KAZN: variants seen among roughly 807,000 people sequenced by gnomAD.
KAZN encodes the protein kazrin.
In KAZN, 40 loss-of-function variants were observed where a neutral mutation model predicts 87.4. The ratio of observed to expected loss-of-function variants is 0.46; its 90% confidence interval spans 0.36 to 0.60. KAZN has a LOEUF of 0.60. KAZN is among the 20% of genes least tolerant of loss of function. The pLI, the probability that KAZN is intolerant of heterozygous loss-of-function variation, is 0.00. For synonymous variants in KAZN, 466 were observed against 458.3 expected (o/e 1.02, Z -0.22); for missense variants, 898 against 1,073.9 (o/e 0.84, Z 2.29).
chr1:14,361,236 G>A (rs758166700), intron 2 of KAZN, among the ~76,000 whole-genome samples: 20 of 152,186 alleles, frequency 1.3e-4, no homozygotes, highest in Non-Finnish European at 2.4e-4. Context: ...TACACTGTGA[G>A]GGGAAAACCG....
At chr1:14,786,239 C>G (rs1252269357) in intron 1 of KAZN, among the ~76,000 whole-genome samples, 1 of 152,202 alleles carries the variant, frequency 6.6e-6, no homozygotes, top group Non-Finnish European at 1.5e-5. Context: ...ATCTTGGGCA[C>G]TGCAGTACTG....
intron 1 of KAZN, among the ~76,000 whole-genome samples, chr1:14,658,269 A>G (rs1320231471): frequency 6.6e-6 from 1 of 152,186 alleles, no homozygotes; most frequent in African/African-American, 2.4e-5. Context: ...GTGCCTAGTG[A>G]AGATCATAAC....
In KAZN at chr1:15,021,654, A is replaced by AC. The variant is rs1670679729; in HGVS notation, c.419-13095_419-13094insC. ...CCTGAGCCGGGGTGGTGGCAGGGAC[A>AC]GTGTGCCCTGCGTGCAGTTAGCACC... On this transcript the variant is annotated intron_variant, in intron 2 of 14. Coordinates refer to ENST00000376030, the MANE Select transcript of KAZN (RefSeq NM_201628.3). The surrounding 1 kb of genome is among the most constrained non-coding windows in gnomAD (Gnocchi z 4.2). 6.6e-6 allele frequency among the ~76,000 whole-genome samples: 1 copy of AC among 152,170 alleles called. No homozygotes were observed. The highest frequency in any genetic ancestry group is 1.5e-5 in the Non-Finnish European group (1 of 68,024).
Position 14,568,734 on chromosome 1 carries a change from C to A in KAZN, c.250-30249C>A, listed in dbSNP as rs997891580. On this transcript the variant is annotated intron_variant, in intron 2 of 16. Transcript: ENST00000636203. Reference sequence around the variant, plus strand: ...CTCTTGATACCCTGAGCAGAAAATCCAGCTGAGCTGTACCCAGGCTTCTGA... The same window carrying A: ...CTCTTGATACCCTGAGCAGAAAATCAAGCTGAGCTGTACCCAGGCTTCTGA... 9.1e-4 allele frequency among the ~76,000 whole-genome samples: 138 copies of A among 152,312 alleles called. 5 individuals carry two copies. Among genetic ancestry groups the A allele is most frequent in the Admixed American group, 7.2e-4 (11 of 15,296 alleles).
At chr1:14,348,582 G>A (rs919873356) in intron 2 of KAZN, among the ~76,000 whole-genome samples, 1 of 152,126 alleles carries the variant, frequency 6.6e-6, no homozygotes, top group African/African-American at 2.4e-5. Context: ...TATGATAAAC[G>A]ATAATCTTAG....
intron 2 of KAZN, among the ~76,000 whole-genome samples, chr1:14,528,963 C>A (rs564231470): frequency 1.2e-4 from 19 of 152,206 alleles, no homozygotes; most frequent in Non-Finnish European, 2.2e-4. Flanking sequence ...TTCCCACCCC[C>A]CATTCCAGTT....
chr1:14,209,743 A>G (rs1466733748), intron 2 of KAZN, among the ~76,000 whole-genome samples: 2 of 152,192 alleles, frequency 1.3e-5, no homozygotes, highest in Non-Finnish European at 1.5e-5. Context: ...AATTGTTTGT[A>G]TAGCAGTTCA....
chr1:14,885,364 C>T (rs1391839089), intron 1 of KAZN, among the ~76,000 whole-genome samples: 2 of 152,126 alleles, frequency 1.3e-5, no homozygotes, highest in Admixed American at 1.3e-4. Flanking sequence ...AACATCCTTC[C>T]CCCTTCTCTC....
chr1:14,709,030 A>G (rs761370171), intron 1 of KAZN, among the ~76,000 whole-genome samples: 4 of 152,126 alleles, frequency 2.6e-5, no homozygotes, highest in Non-Finnish European at 5.9e-5. Flanking sequence ...GGTGATGACA[A>G]AGACAATGAG....
chr1:14,812,327 C>T (rs1038121892), intron 1 of KAZN, among the ~76,000 whole-genome samples: 4 of 152,172 alleles, frequency 2.6e-5, no homozygotes, highest in Admixed American at 2.0e-4. Context: ...AGCTGGTCTC[C>T]TTGTACAGTG....
intron 1 of KAZN, among the ~76,000 whole-genome samples, chr1:14,066,972 C>A (rs905193881): frequency 6.6e-6 from 1 of 152,198 alleles, no homozygotes; most frequent in Non-Finnish European, 1.5e-5. Context: ...GTCACTTTCT[C>A]TGAAACATCT....
intron 1 of KAZN, among the ~76,000 whole-genome samples, chr1:13,935,895 TG>T (rs2100951135): frequency 7.1e-6 from 1 of 141,606 alleles, no homozygotes; most frequent in African/African-American, 2.7e-5. Flanking sequence ...TGTGTGTGTG[TG>T]TGTGTAGAAT....
At chr1:15,070,949 C>CG (rs1639478540) in intron 8 of KAZN, among the ~76,000 whole-genome samples, 1 of 152,196 alleles carries the variant, frequency 6.6e-6, no homozygotes, top group Non-Finnish European at 1.5e-5. Flanking sequence ...CTCCACTGGG[C>CG]GGGGCAAAAT....
chr1:14,929,714 G>C, intron 1 of KAZN: 1 of 925,466 alleles, frequency 1.1e-6, no homozygotes, highest in Non-Finnish European at 1.3e-6. Flanking sequence ...ATGGTTATAA[G>C]GGGTGTGCGG....
intron 1 of KAZN, among the ~76,000 whole-genome samples, chr1:14,153,352 C>G (rs1191788585): frequency 6.6e-6 from 1 of 152,154 alleles, no homozygotes; most frequent in Non-Finnish European, 1.5e-5. Context: ...AGTCTTTAAT[C>G]ATTTTGATTC....
intron 2 of KAZN, among the ~76,000 whole-genome samples, chr1:14,194,615 C>T (rs1249475167): frequency 6.6e-5 from 10 of 152,156 alleles, no homozygotes; most frequent in Admixed American, 6.6e-4. Flanking sequence ...AGGAAAGACT[C>T]TGGGAAAGTA....
intron 2 of KAZN, among the ~76,000 whole-genome samples, chr1:14,231,769 T>C (rs1300937872): frequency 6.6e-6 from 1 of 152,230 alleles, no homozygotes; most frequent in Non-Finnish European, 1.5e-5. Flanking sequence ...GCTACTATAA[T>C]AGATAATTCT....
chr1:14,786,408 C>G (rs1257808282), intron 1 of KAZN, among the ~76,000 whole-genome samples: 1 of 152,180 alleles, frequency 6.6e-6, no homozygotes, highest in Non-Finnish European at 1.5e-5. Flanking sequence ...ATCCGCTCTT[C>G]CCCGAGAGTG....
intron 10 of KAZN, 61 bp from the exon 11 acceptor site, chr1:15,101,482 G>A (rs902495930): frequency 3.5e-5 from 40 of 1,154,310 alleles, no homozygotes; most frequent in East Asian, 2.1e-4. Flanking sequence ...ATTTCTGCCC[G>A]TCCGTCTGTT....
Sources: gnomAD v4.1 joint callset for allele counts (sites outside exome capture counted in the v4.1 genomes callset) on GRCh38, gnomAD v4.1.1 for gene constraint, Gnocchi (gnomAD v3.1) non-coding constraint, MANE v1.5 for transcripts, NCBI Gene and HGNC (gene_info 2026-07-23, HGNC 2026-07-21) for gene names.